Variants in LPCAT1 observed in about 807,000 individuals in gnomAD.
The protein encoded by LPCAT1 is 1-acylglycerol-3-phosphate O-acyltransferase.
In LPCAT1, 23 loss-of-function variants were observed where a neutral mutation model predicts 60.9. The ratio of observed to expected loss-of-function variants is 0.38; its 90% CI spans 0.27 to 0.53. The LOEUF is 0.53. LPCAT1 is among the 20% of genes least tolerant of loss of function. The pLI, the probability that LPCAT1 is intolerant of heterozygous loss-of-function variation, is 0.82. For missense variants in LPCAT1, 622 were observed against 723.6 expected (o/e 0.86, Z 1.61); for synonymous variants, 340 against 301.1 (o/e 1.13, Z -1.34).
chr5:1,497,675 C>T (rs780178645), intron 2 of LPCAT1, among the ~76,000 whole-genome samples: 1 of 152,138 alleles, frequency 6.6e-6, no homozygotes, highest in Non-Finnish European at 1.5e-5. Flanking sequence ...CAGGCTGAGA[C>T]GCAGGTGGCA....
intron 1 of LPCAT1, among the ~76,000 whole-genome samples, chr5:1,516,978 G>C (rs949745380): frequency 3.9e-5 from 6 of 152,212 alleles, no homozygotes. Flanking sequence ...TTTTAATACA[G>C]CAAAAAGTAT....
intron 3 of LPCAT1, 147 bp from the exon 4 acceptor site, chr5:1,490,005 C>T: frequency 1.5e-6 from 1 of 671,490 alleles, no homozygotes; most frequent in Non-Finnish European, 2.7e-6. Context: ...GCTGTGAGTC[C>T]CTGACTGAGG....
intron 11 of LPCAT1, among the ~76,000 whole-genome samples, 155 bp downstream of exon 11, chr5:1,473,800 AAT>A: frequency 6.6e-6 from 1 of 152,344 alleles, no homozygotes; most frequent in South Asian, 2.1e-4. Context: ...CATGGAAGGA[AAT>A]ACCTCAAAAT....
intron 10 of LPCAT1, among the ~76,000 whole-genome samples, 186 bp downstream of exon 10, chr5:1,474,374 A>G (rs990451095): frequency 6.6e-6 from 1 of 152,250 alleles, no homozygotes; most frequent in South Asian, 2.1e-4. Context: ...CGCCGTCCAC[A>G]GACAGCTGAT....
intron 1 of LPCAT1, among the ~76,000 whole-genome samples, chr5:1,511,869 G>A (rs1282423934): frequency 1.3e-5 from 2 of 152,222 alleles, no homozygotes; most frequent in Non-Finnish European, 2.9e-5. Flanking sequence ...GCACCCTCCT[G>A]CTTGCCACTC....
intron 1 of LPCAT1, among the ~76,000 whole-genome samples, chr5:1,520,469 C>T (rs911791624): frequency 6.6e-5 from 10 of 152,120 alleles, no homozygotes; most frequent in Non-Finnish European, 8.8e-5. Flanking sequence ...CAGCAACGCC[C>T]GTCCAAGGAC....
At chr5:1,494,251 C>A (rs1735694460) in intron 3 of LPCAT1, among the ~76,000 whole-genome samples, 1 of 152,228 alleles carries the variant, frequency 6.6e-6, no homozygotes, top group South Asian at 2.1e-4. Context: ...GCCAAGCAGA[C>A]CTGGAGCAAG....
At chr5:1,506,876 G>C (rs922811780) in intron 1 of LPCAT1, among the ~76,000 whole-genome samples, 2 of 152,210 alleles carry the variant, frequency 1.3e-5, no homozygotes, top group African/African-American at 4.8e-5. Flanking sequence ...ACCTGTCAGA[G>C]AGGGCAGGTG....
At chr5:1,468,718 G>A (rs546427195) in intron 12 of LPCAT1, among the ~76,000 whole-genome samples, 4 of 152,370 alleles carry the variant, frequency 2.6e-5, no homozygotes, top group East Asian at 1.9e-4. Context: ...GCCCCAAGGC[G>A]TATGAAGCAC....
At chr5:1,488,271 C>T in intron 5 of LPCAT1, 120 bp downstream of exon 5, 1 of 587,544 alleles carries the variant, frequency 1.7e-6, no homozygotes, top group Non-Finnish European at 3.0e-6. Flanking sequence ...CTCTAAGAAC[C>T]CCAGCACACA....
rs57914046 is a variant in LPCAT1, at chr5:1,463,232, G to A, written c.*419C>T. ...ATCCACAGAGGCAGACAGGTTTCGT[G>A]CCAGAGTGACACGCAAGCGCACGCT... On this transcript the variant is annotated 3_prime_UTR_variant, in exon 14 of 14. Coordinates refer to ENST00000283415, the MANE Select transcript of LPCAT1 (RefSeq NM_024830.5). 1.2e-5 allele frequency: 2 copies of A among 166,766 alleles called. No individual in the cohort carries two copies. Among genetic ancestry groups the A allele is most frequent in the East Asian group, 3.5e-4 (2 of 5,796 alleles). The allele number at this position is 166,766 out of a possible 1,614,324, so 10.3% of individuals were successfully genotyped here.
rs1365136893 is a variant in LPCAT1, at chr5:1,487,360, C to T, written c.667+1031G>A. The stretch of plus-strand genomic sequence containing the variant: ...CTGATCAGAATGACTCAGAACCACG[C>T]GTGGTGAAGACAATGGAACGGGAAG... On this transcript the variant is annotated intron_variant, in intron 5 of 13. Transcript: ENST00000283415. This position sits in a 1 kb window ranked among gnomAD's most constrained non-coding sequence, Gnocchi z 6.1. Among the ~76,000 whole-genome samples the T allele has an allele frequency of 4.6e-5, 7 of 152,346 alleles. No individual in the cohort carries two copies. The East Asian group carries it at 1.2e-3, about 25-fold the overall frequency.
chr5:1,475,229 GCCGCTGAAGTTCC>G (rs1180974927), intron 9 of LPCAT1, among the ~76,000 whole-genome samples: 1 of 152,252 alleles, frequency 6.6e-6, no homozygotes, highest in African/African-American at 2.4e-5. Flanking sequence ...CTAGTTGAGA[GCCGCTGAAGTTCC>G]CCTTGGCAAA....
chr5:1,464,565 AACAC>A (rs201706598), intron 13 of LPCAT1, among the ~76,000 whole-genome samples: 42 of 152,226 alleles, frequency 2.8e-4, no homozygotes, highest in African/African-American at 7.5e-4. Context: ...CACACATGCA[AACAC>A]ACACACACGG....
Position 1,481,880 on chromosome 5 carries a change from C to T in LPCAT1, c.727-904G>A, listed in dbSNP as rs55822706. ...TTTTATTACCTGACCGTCAGCTCTC[C>T]GGGCAAAGTGAAGCCCGGCAGGCAT... On this transcript the variant is annotated intron_variant, in intron 6 of 13. Transcript: ENST00000283415. This position sits in a 1 kb window ranked among gnomAD's most constrained non-coding sequence, Gnocchi z 7.8. Among the ~76,000 whole-genome samples the T allele has an allele frequency of 0.17, 25,312 of 152,276 alleles. 3,809 individuals are homozygous for T. The highest frequency in any genetic ancestry group is 0.41 in the African/African-American group (16,925 of 41,530).
At position 1,480,429 on chromosome 5, in the gene LPCAT1, C is replaced by T; in HGVS notation, c.761+513G>A. The T allele has an allele frequency of 1.1e-6, 1 of 949,038 alleles. No homozygotes were observed. Among genetic ancestry groups the T allele is most frequent in the South Asian group, 4.9e-5 (1 of 20,538 alleles). The allele number at this position is 949,038 out of a possible 1,614,324, so 58.8% of individuals were successfully genotyped here. On this transcript the variant is annotated intron_variant, in intron 7 of 13. Coordinates refer to ENST00000283415, the MANE Select transcript of LPCAT1 (RefSeq NM_024830.5). This position sits in a 1 kb window ranked among gnomAD's most constrained non-coding sequence, Gnocchi z 6.4. ...GCTCAGACGTCAGCACCCAGGAGGCCCTGACCAGCCTGTGGCCCCGGGCTT... is the reference window on the plus strand; with the variant it reads ...GCTCAGACGTCAGCACCCAGGAGGCTCTGACCAGCCTGTGGCCCCGGGCTT...
chr5:1,473,159 C>T (rs1018385888), intron 11 of LPCAT1, among the ~76,000 whole-genome samples: 8 of 152,192 alleles, frequency 5.3e-5, no homozygotes, highest in African/African-American at 1.9e-4. Flanking sequence ...CCCAGGACTG[C>T]ACTGCAGCTG....
At chr5:1,475,467 G>A (rs1734864682) in intron 9 of LPCAT1, among the ~76,000 whole-genome samples, 1 of 152,196 alleles carries the variant, frequency 6.6e-6, no homozygotes, top group South Asian at 2.1e-4. Flanking sequence ...GGCCCGTCCT[G>A]GGTGGCACCT....
At chr5:1,517,162 G>A (rs1202290001) in intron 1 of LPCAT1, among the ~76,000 whole-genome samples, 1 of 152,216 alleles carries the variant, frequency 6.6e-6, no homozygotes, top group African/African-American at 2.4e-5. Context: ...ACAGTAACCG[G>A]GAATGGTAAG....
Sources: allele counts gnomAD v4.1 joint callset (sites outside exome capture counted in the v4.1 genomes callset), GRCh38; gene constraint gnomAD v4.1.1; non-coding constraint Gnocchi (gnomAD v3.1); transcripts MANE v1.5; gene names NCBI Gene and HGNC (gene_info 2026-07-23, HGNC 2026-07-21).